TRAK1: variants seen among roughly 807,000 people sequenced by gnomAD.
TRAK1 encodes trafficking kinesin protein 1.
A neutral mutation model predicts 92.1 loss-of-function variants in TRAK1; 33 were observed. The ratio of observed to expected loss-of-function variants is 0.36; its 90% CI spans 0.27 to 0.48. TRAK1 has a LOEUF of 0.48. Ranked by LOEUF, TRAK1 falls within the 20% of genes least tolerant of loss-of-function variation. The pLI, the probability that TRAK1 is intolerant of heterozygous loss-of-function variation, is 0.99. For missense variants in TRAK1, 1,123 were observed against 1,257.9 expected (o/e 0.89, Z 1.62); for synonymous variants, 521 against 517.3 (o/e 1.01, Z -0.10).
chr3:42,222,999 G>A lies in TRAK1; in HGVS notation c.2124G>A (p.Pro708=), dbSNP rs780938256. 68 of 1,613,864 alleles carry A rather than the reference G, an allele frequency of 4.2e-5. No homozygotes were observed. The highest frequency in any genetic ancestry group is 6.7e-5 in the African/African-American group (5 of 74,876). Residue 708 remains proline, a synonymous_variant, in exon 16 of 16, where the codon CCG becomes CCA. Transcript: ENST00000327628. The part of the protein sequence containing the change: ...CGSTSHLKST[P]VATPCTPRRL... ...GCACCAGCCACTTGAAATCCACGCC[G>A]GTGGCCACACCATGCACTCCACGGA...
At chr3:42,020,497 T>C (rs1387476427) in intron 1 of TRAK1, among the ~76,000 whole-genome samples, 2 of 152,216 alleles carry the variant, frequency 1.3e-5, no homozygotes, top group Non-Finnish European at 2.9e-5. Context: ...CTTTTTAGTG[T>C]GGGATGGTAT....
chr3:42,088,126 AT>A (rs1459732987), upstream of TRAK1, among the ~76,000 whole-genome samples: 2 of 152,150 alleles, frequency 1.3e-5, no homozygotes, highest in Non-Finnish European at 2.9e-5. Flanking sequence ...TTAATTTCTC[AT>A]TTTTGTCTGC....
At chr3:42,147,944 T>C (rs1387973419) in intron 2 of TRAK1, among the ~76,000 whole-genome samples, 1 of 152,180 alleles carries the variant, frequency 6.6e-6, no homozygotes, top group East Asian at 1.9e-4. Flanking sequence ...TAAGATTCTC[T>C]ATATAAGATG....
intron 1 of TRAK1, among the ~76,000 whole-genome samples, chr3:42,027,493 A>T (rs559270471): frequency 6.6e-6 from 1 of 152,150 alleles, no homozygotes; most frequent in East Asian, 1.9e-4. Context: ...ACTGCCCTCT[A>T]GCCTGGGAGA....
intron 1 of TRAK1, among the ~76,000 whole-genome samples, chr3:42,102,221 A>G (rs940472972): frequency 1.4e-4 from 22 of 152,334 alleles, no homozygotes; most frequent in African/African-American, 5.3e-4. Context: ...CCTGACCTCC[A>G]GTGATCCGCC....
chr3:42,179,989 C>G (rs984726211), intron 3 of TRAK1, among the ~76,000 whole-genome samples: 1 of 152,082 alleles, frequency 6.6e-6, no homozygotes, highest in African/African-American at 2.4e-5. Context: ...ATTCTCCCAC[C>G]TTGGGCTCCC....
chr3:42,193,520 T>C (rs1706130096), intron 8 of TRAK1, among the ~76,000 whole-genome samples: 1 of 152,148 alleles, frequency 6.6e-6, no homozygotes, highest in East Asian at 1.9e-4. Context: ...AGATATGTGC[T>C]GCAGTAGAGC....
chr3:42,025,438 T>A (rs950553842), intron 1 of TRAK1, among the ~76,000 whole-genome samples: 1 of 152,238 alleles, frequency 6.6e-6, no homozygotes, highest in African/African-American at 2.4e-5. Flanking sequence ...GCTACTGAAT[T>A]AATTGGCACA....
chr3:42,187,748 C>G (rs1705108288), intron 4 of TRAK1, among the ~76,000 whole-genome samples: 1 of 152,150 alleles, frequency 6.6e-6, no homozygotes, highest in South Asian at 2.1e-4. Context: ...TTTACAGGTG[C>G]CAGCCACCGT....
rs60025099 is a variant in TRAK1 at position 42,138,876 on chromosome 3, G to GGTGT, written c.286+13307_286+13310dup. On this transcript the variant is annotated intron_variant, in intron 2 of 15. Transcript: ENST00000327628. ...TGGTGACCTAAAAGAAAGCATAGGG[G>GGTGT]GTGTGTGTGTGTGTGTGTGTGTGTG... Among the ~76,000 whole-genome samples the GGTGT allele has an allele frequency of 5.5e-3, 650 of 118,772 alleles. 8 individuals carry two copies. The highest frequency in any genetic ancestry group is 8.0e-3 in the African/African-American group (210 of 26,152). 77.9% of individuals were successfully genotyped at this position (118,772 alleles called of 152,430 possible).
intron 2 of TRAK1, among the ~76,000 whole-genome samples, chr3:42,167,135 G>A (rs1010608719): frequency 2.1e-4 from 32 of 152,214 alleles, no homozygotes; most frequent in African/African-American, 7.5e-4. Context: ...CCTGTCTGGC[G>A]TTCAGATGAC....
chr3:42,214,804 T>G (rs1016049129), intron 14 of TRAK1, among the ~76,000 whole-genome samples: 3 of 152,210 alleles, frequency 2.0e-5, no homozygotes, highest in Non-Finnish European at 4.4e-5. Flanking sequence ...TCTACGGAGC[T>G]GCAGGGGCAG....
At chr3:42,107,444 G>A (rs1400299400) in intron 1 of TRAK1, among the ~76,000 whole-genome samples, 5 of 151,904 alleles carry the variant, frequency 3.3e-5, no homozygotes, top group South Asian at 4.2e-4. Flanking sequence ...CCCAGGAGGC[G>A]GAGGTTGCAG....
At chr3:42,133,284 C>G (rs1163331862) in intron 2 of TRAK1, among the ~76,000 whole-genome samples, 1 of 152,208 alleles carries the variant, frequency 6.6e-6, no homozygotes, top group Admixed American at 6.5e-5. Context: ...ATAGCAGCCC[C>G]ACCAGTGCTT....
intron 11 of TRAK1, among the ~76,000 whole-genome samples, chr3:42,200,245 T>A (rs1040429735): frequency 4.6e-5 from 7 of 152,230 alleles, no homozygotes; most frequent in Non-Finnish European, 1.0e-4. Context: ...CCCTTTTCTC[T>A]TTAAAAGGGA....
At chr3:42,190,985 C>G (rs1009440881) in intron 6 of TRAK1, among the ~76,000 whole-genome samples, 27 of 152,166 alleles carry the variant, frequency 1.8e-4, no homozygotes, top group African/African-American at 6.5e-4. Flanking sequence ...CCTTTTCAGC[C>G]AGGGCAAGTT....
At chr3:42,080,777 A>C (rs986321176) in intron 1 of TRAK1, among the ~76,000 whole-genome samples, 1 of 152,220 alleles carries the variant, frequency 6.6e-6, no homozygotes, top group Non-Finnish European at 1.5e-5. Flanking sequence ...CAAGCTAGAA[A>C]GTGGGTGGAG....
In TRAK1 at chr3:42,189,034, G is replaced by A. The variant is rs759587596; in HGVS notation, c.600G>A (p.Ser200=). The A allele has an allele frequency of 2.7e-5, 44 of 1,613,560 alleles. No homozygotes were observed. The Middle Eastern group carries it at 4.9e-4, about 18-fold the overall frequency. The change falls in exon 6 of 16, where the codon TCG becomes TCA. Residue 200 remains serine (S), a synonymous_variant. Transcript: ENST00000327628. ...CCCCCAGGTTGAAGAGGAATGAGTC[G>A]TCCTCCTCAGTCCAGAATTACTTTC... The part of the protein sequence containing the change: ...VCSTPLKRNE[S]SSSVQNYFHL...
At chr3:42,072,802 GT>G (rs758066354) in intron 1 of TRAK1, among the ~76,000 whole-genome samples, 6 of 152,112 alleles carry the variant, frequency 3.9e-5, no homozygotes, top group Non-Finnish European at 8.8e-5. Context: ...CCTAAACAAG[GT>G]TTAGAGAAGA....
Sources: allele counts gnomAD v4.1 joint callset (sites outside exome capture counted in the v4.1 genomes callset), GRCh38; gene constraint gnomAD v4.1.1; transcripts MANE v1.5; gene names NCBI Gene and HGNC (gene_info 2026-07-23, HGNC 2026-07-21).